Variants in IQCM observed in about 807,000 individuals in gnomAD.
IQCM encodes IQ motif containing M.
IQCM carries 45 observed loss-of-function variants against 57.6 expected under a neutral mutation model. The observed-to-expected ratio is 0.78, with a 90% confidence interval of 0.62 to 1.00. The LOEUF is 1.00. Among genes scored for constraint, IQCM ranks in the 50% least tolerant of loss-of-function variants. The pLI is 0.00. For missense variants in IQCM, 468 were observed against 511.6 expected, an observed-to-expected ratio of 0.91 and a Z score of 0.82; for synonymous variants, 148 against 158.9, an observed-to-expected ratio of 0.93 and a Z score of 0.51.
chr4:149,358,207 C>A (rs1403478400), intron 13 of IQCM, among the ~76,000 whole-genome samples: 1 of 152,160 alleles, frequency 6.6e-6, no homozygotes, highest in African/African-American at 2.4e-5. Flanking sequence ...CTCCTGGATT[C>A]ATTGATTTTT....
chr4:149,503,157 G>GCT (rs1743439924), intron 12 of IQCM, among the ~76,000 whole-genome samples: 1 of 152,086 alleles, frequency 6.6e-6, no homozygotes, highest in African/African-American at 2.4e-5. Context: ...GAAGTTCGAG[G>GCT]TTACAGTGAG....
intron 3 of IQCM, among the ~76,000 whole-genome samples, chr4:149,741,257 G>A (rs7673358): frequency 0.25 from 37,676 of 151,854 alleles, 7,100 homozygotes; most frequent in African/African-American, 0.48. Flanking sequence ...TTATTCTCTG[G>A]TCTTCTTTAA....
chr4:149,440,121 CTT>C (rs955416306), intron 12 of IQCM, among the ~76,000 whole-genome samples: 4 of 87,996 alleles, frequency 4.5e-5, no homozygotes, highest in African/African-American at 1.6e-4. Context: ...CATGCCCGGC[CTT>C]TTTTTTTTTT....
intron 5 of IQCM, among the ~76,000 whole-genome samples, chr4:149,715,559 T>C (rs903561312): frequency 1.3e-5 from 2 of 152,160 alleles, no homozygotes; most frequent in African/African-American, 4.8e-5. Flanking sequence ...TCTCTCCTTC[T>C]CATGGCCTGC....
At chr4:149,685,767 C>T (rs917466795) in intron 6 of IQCM, among the ~76,000 whole-genome samples, 7 of 151,502 alleles carry the variant, frequency 4.6e-5, no homozygotes, top group Non-Finnish European at 1.0e-4. Flanking sequence ...CAAATATGTG[C>T]TGAAGGGCTT....
chr4:149,749,932 T>C (rs1768277662), intron 2 of IQCM, among the ~76,000 whole-genome samples: 1 of 152,136 alleles, frequency 6.6e-6, no homozygotes, highest in South Asian at 2.1e-4. Context: ...TCCATAAGCC[T>C]GAGCACATGA....
At chr4:149,401,099 G>A (rs1732588349) in intron 13 of IQCM, among the ~76,000 whole-genome samples, 1 of 151,516 alleles carries the variant, frequency 6.6e-6, no homozygotes, top group African/African-American at 2.4e-5. Context: ...GCTAAATTTA[G>A]ATGAATAAGA....
chr4:149,729,388 G>T (rs1318082668), intron 5 of IQCM, among the ~76,000 whole-genome samples: 3 of 151,966 alleles, frequency 2.0e-5, no homozygotes, highest in Non-Finnish European at 4.4e-5. Flanking sequence ...AAAAAAATCT[G>T]TTAGGCTTTT....
chr4:149,578,920 T>A (rs1479184348), intron 9 of IQCM, among the ~76,000 whole-genome samples: 1 of 151,730 alleles, frequency 6.6e-6, no homozygotes, highest in African/African-American at 2.4e-5. Context: ...AGAGATGGGA[T>A]CCTTTGTCCC....
intron 2 of IQCM, among the ~76,000 whole-genome samples, chr4:149,764,940 T>TCAGGAAAGAA (rs1321526638): frequency 6.6e-6 from 1 of 152,022 alleles, no homozygotes; most frequent in African/African-American, 2.4e-5. Context: ...GTTACAGAAA[T>TCAGGAAAGAA]CAGGAAAGAA....
intron 10 of IQCM, among the ~76,000 whole-genome samples, chr4:149,555,765 C>T (rs1207029917): frequency 6.6e-6 from 1 of 152,190 alleles, no homozygotes; most frequent in Non-Finnish European, 1.5e-5. Flanking sequence ...AAAGTTCCCT[C>T]TTGGAATGTG....
In IQCM at chr4:149,682,142, T is replaced by G. The variant is rs1360710115; in HGVS notation, c.541A>C (p.Asn181His). 1 of 1,222,020 alleles carries G rather than the reference T, an allele frequency of 8.2e-7. No individual in the cohort carries two copies. Among genetic ancestry groups the G allele is most frequent in the African/African-American group, 1.6e-5 (1 of 64,064 alleles). The allele number at this position is 1,222,020 out of a possible 1,614,324, so 75.7% of individuals were successfully genotyped here. A position where few individuals can be genotyped will look rare whatever the true frequency, so the allele number is the denominator to read the frequency against. Reference protein sequence around the residue: ...VHLYLQPGTSNLELLKEPDKA... With the variant: ...VHLYLQPGTSHLELLKEPDKA... Reference sequence around the variant, plus strand: ...CCAGGTTCTTTCAGAAGTTCCAAGTTAGAGGTCCCAGGTTGTAAGTAAAGA... The same window carrying G: ...CCAGGTTCTTTCAGAAGTTCCAAGTGAGAGGTCCCAGGTTGTAAGTAAAGA... Residue 181 changes from asparagine (N) to histidine (H), a missense_variant, in exon 7 of 14, where the codon AAC (asparagine) becomes CAC (histidine). Transcript: ENST00000636793.
At chr4:149,774,861 GA>G (rs1342325338) in intron 2 of IQCM, among the ~76,000 whole-genome samples, 1 of 149,184 alleles carries the variant, frequency 6.7e-6, no homozygotes, top group East Asian at 1.9e-4. Context: ...AGAGAAGATA[GA>G]AAAATATGTT....
rs1018541791 is a variant in IQCM, at chr4:149,474,324, G to A, written c.1229-40767C>T. 4.6e-5 allele frequency among the ~76,000 whole-genome samples: 7 copies of A among 152,090 alleles called. No individual in the cohort carries two copies. In the East Asian group the frequency reaches 5.8e-4, roughly 13 times the overall value. On this transcript the variant is annotated intron_variant, in intron 12 of 13. Transcript: ENST00000636793. ...TCAGGCCAGTAATCCCAGAACTTTG[G>A]GAGGCCAAGGCAGGAGGACTGCATG...
Position 149,495,901 on chromosome 4 carries a change from T to C in IQCM, c.1228+52554A>G, listed in dbSNP as rs144939800. ...AAGCTGGTAGAGTGTTTTGCCTAAT[T>C]TATTTCAGTAATGGTAAAAATCTTA... is the stretch of plus-strand genomic sequence containing the variant. On this transcript the variant is annotated intron_variant, in intron 12 of 13. Coordinates refer to ENST00000636793, the MANE Select transcript of IQCM (RefSeq NM_001363507.2). Among the ~76,000 whole-genome samples, 357 of 152,272 alleles carry C rather than the reference T, an allele frequency of 2.3e-3. 2 individuals are homozygous for C. The highest frequency in any genetic ancestry group is 6.8e-3 in the Middle Eastern group (2 of 294).
chr4:149,435,978 AT>A, intron 12 of IQCM, among the ~76,000 whole-genome samples: 1 of 152,200 alleles, frequency 6.6e-6, no homozygotes, highest in East Asian at 1.9e-4. Context: ...GCTAAGGTTA[AT>A]TTTTTATTGA....
intron 2 of IQCM, among the ~76,000 whole-genome samples, chr4:149,768,496 C>T (rs879495548): frequency 9.2e-5 from 14 of 152,012 alleles, no homozygotes; most frequent in Non-Finnish European, 1.3e-4. Context: ...TATTACATTG[C>T]TTTAAAAGTT....
intron 12 of IQCM, among the ~76,000 whole-genome samples, chr4:149,545,879 C>T (rs1177187652): frequency 1.3e-5 from 2 of 151,892 alleles, no homozygotes; most frequent in East Asian, 3.9e-4. Flanking sequence ...GAAGGTTTGT[C>T]ACATATGTAT....
intron 13 of IQCM, among the ~76,000 whole-genome samples, chr4:149,358,752 G>C (rs959857674): frequency 4.3e-5 from 5 of 115,030 alleles, no homozygotes; most frequent in African/African-American, 1.7e-4. Context: ...TATTTGAAAT[G>C]CCAAGCCAGT....
Sources: allele counts gnomAD v4.1 joint callset (sites outside exome capture counted in the v4.1 genomes callset), GRCh38; gene constraint gnomAD v4.1.1; transcripts MANE v1.5; gene names NCBI Gene and HGNC (gene_info 2026-07-23, HGNC 2026-07-21).